Variants in SGCZ observed in about 807,000 individuals in gnomAD.
The protein encoded by SGCZ is zeta-sarcoglycan.
SGCZ carries 40 observed loss-of-function variants against 41.3 expected under a neutral mutation model. The observed-to-expected ratio is 0.97, with a 90% CI of 0.75 to 1.26. The LOEUF is 1.26. Ranked by LOEUF, SGCZ falls within the 50% of genes most tolerant of loss-of-function variation. The probability of loss-of-function intolerance (pLI) is 0.00; values close to 1 mark genes in which losing one functional copy is unlikely to be tolerated. For missense variants in SGCZ, 552 were observed against 369.8 expected, an observed-to-expected ratio of 1.49 and a Z score of -4.04; for synonymous variants, 206 against 137.5, an observed-to-expected ratio of 1.50 and a Z score of -3.49.
chr8:14,240,661 A>G (rs923223347), intron 3 of SGCZ, among the ~76,000 whole-genome samples: 1 of 152,208 alleles, frequency 6.6e-6, no homozygotes, highest in African/African-American at 2.4e-5. Context: ...CTTATTTATT[A>G]TAATGTGATC....
At chr8:15,018,820 G>T (rs1229800908) in intron 1 of SGCZ, among the ~76,000 whole-genome samples, 1 of 152,230 alleles carries the variant, frequency 6.6e-6, no homozygotes, top group African/African-American at 2.4e-5. Flanking sequence ...ATTGGCTCAT[G>T]CTTCCACAGG....
Position 14,672,020 on chromosome 8 carries a change from A to G in SGCZ, c.40-117094T>C, listed in dbSNP as rs114793435. On this transcript the variant is annotated intron_variant, in intron 1 of 7. Transcript: ENST00000382080. ...ACAGACTATCTTCCAATTTGGGAAT[A>G]AAAATCACAAATCTTAGCTACCGAC... Among the ~76,000 whole-genome samples, 321 of 152,288 alleles carry G rather than the reference A, an allele frequency of 2.1e-3. 1 individual carries two copies. Among genetic ancestry groups the G allele is most frequent in the Middle Eastern group, 6.8e-3 (2 of 294 alleles).
At chr8:14,295,167 A>G (rs745972441) in intron 3 of SGCZ, among the ~76,000 whole-genome samples, 4 of 152,178 alleles carry the variant, frequency 2.6e-5, no homozygotes, top group African/African-American at 4.8e-5. Context: ...GTAATAGCCA[A>G]AAGATGCGAA....
intron 1 of SGCZ, among the ~76,000 whole-genome samples, chr8:15,100,975 C>CAA (rs113108237): frequency 0.01 from 1,342 of 129,552 alleles, 19 homozygotes; most frequent in African/African-American, 0.037. Flanking sequence ...GACCATGTCT[C>CAA]AAAAAAAAAA....
At chr8:15,018,593 T>C (rs1171854336) in intron 1 of SGCZ, among the ~76,000 whole-genome samples, 1 of 151,944 alleles carries the variant, frequency 6.6e-6, no homozygotes, top group Non-Finnish European at 1.5e-5. Flanking sequence ...TTTGATGGGC[T>C]TGAGGAAGTA....
intron 1 of SGCZ, among the ~76,000 whole-genome samples, chr8:15,119,117 G>A (rs62499783): frequency 0.063 from 9,617 of 152,152 alleles, 312 homozygotes; most frequent in Middle Eastern, 0.13. Context: ...ATCCTTTTAA[G>A]GGTGTAATGA....
At chr8:14,847,185 A>AGAAGAAG (rs1303419499) in intron 1 of SGCZ, among the ~76,000 whole-genome samples, 204 of 148,498 alleles carry the variant, frequency 1.4e-3, no homozygotes, top group African/African-American at 5.0e-3. Context: ...AAGAAGAAGA[A>AGAAGAAG]GAGAAAAATA....
intron 4 of SGCZ, among the ~76,000 whole-genome samples, chr8:14,188,846 T>A (rs1378431950): frequency 6.7e-6 from 1 of 148,334 alleles, no homozygotes. Context: ...TTGTTTGTTT[T>A]TTGAGATGGA....
intron 1 of SGCZ, among the ~76,000 whole-genome samples, chr8:15,113,511 C>T (rs745522451): frequency 6.6e-6 from 1 of 152,118 alleles, no homozygotes; most frequent in Non-Finnish European, 1.5e-5. Context: ...TCATCAGTAA[C>T]CAAATGCAAT....
At chr8:14,356,013 C>T (rs1300470394) in intron 2 of SGCZ, among the ~76,000 whole-genome samples, 1 of 152,092 alleles carries the variant, frequency 6.6e-6, no homozygotes, top group African/African-American at 2.4e-5. Context: ...ATTTTCTTTT[C>T]CTGGGCTAGT....
chr8:14,123,556 TGAC>T (rs1802763561), intron 5 of SGCZ, among the ~76,000 whole-genome samples: 1 of 152,182 alleles, frequency 6.6e-6, no homozygotes. Flanking sequence ...TCCAGAGCCA[TGAC>T]CAAGACCTAT....
At chr8:14,714,543 T>A (rs962192273) in intron 1 of SGCZ, among the ~76,000 whole-genome samples, 1 of 152,316 alleles carries the variant, frequency 6.6e-6, no homozygotes, top group Non-Finnish European at 1.5e-5. Context: ...AAAACATTGT[T>A]CTATTAAACC....
intron 1 of SGCZ, among the ~76,000 whole-genome samples, chr8:14,612,589 G>A (rs971573400): frequency 6.6e-6 from 1 of 152,126 alleles, no homozygotes; most frequent in Non-Finnish European, 1.5e-5. Flanking sequence ...TCCCCCAAAG[G>A]CCATAGAATT....
At chr8:14,864,806 C>T (rs779948242) in intron 1 of SGCZ, among the ~76,000 whole-genome samples, 33 of 151,960 alleles carry the variant, frequency 2.2e-4, no homozygotes, top group Non-Finnish European at 4.4e-4. Context: ...ATAAGAGCTC[C>T]GGTTCCTCCT....
At chr8:14,533,168 C>T (rs933099081) in intron 2 of SGCZ, among the ~76,000 whole-genome samples, 3 of 151,828 alleles carry the variant, frequency 2.0e-5, no homozygotes, top group Admixed American at 6.6e-5. Flanking sequence ...CAACAGGCCC[C>T]GGTGTGTTGT....
At chr8:14,470,097 A>C (rs923336632) in intron 2 of SGCZ, among the ~76,000 whole-genome samples, 10 of 152,046 alleles carry the variant, frequency 6.6e-5, no homozygotes, top group African/African-American at 2.4e-4. Context: ...CTGAGCACTC[A>C]ATCTGTGAGG....
rs1470237246 is a variant in SGCZ, at chr8:15,237,614, A to T, written c.10T>A (p.Ser4Thr). The T allele has an allele frequency of 6.3e-7, 1 of 1,587,854 alleles. No homozygotes were observed. Among genetic ancestry groups the T allele is most frequent in the Non-Finnish European group, 8.6e-7 (1 of 1,165,168 alleles). ...AGCTCCTCAATGTCCAGGTTCGTTG[A>T]TCTGTCCATGGAGCGCAACTAAACG... is the stretch of plus-strand genomic sequence containing the variant. Reference protein sequence around the residue: MDRSTNLDIEELKM... With the variant: MDRTTNLDIEELKM... Residue 4 changes from serine (S) to threonine (T), a missense_variant, in exon 1 of 8, where the codon TCA becomes ACA. Coordinates refer to ENST00000382080, the MANE Select transcript of SGCZ (RefSeq NM_139167.4).
chr8:15,100,032 A>G (rs1360824749), intron 1 of SGCZ, among the ~76,000 whole-genome samples: 2 of 152,162 alleles, frequency 1.3e-5, no homozygotes, highest in Non-Finnish European at 2.9e-5. Context: ...AATTTTTCCC[A>G]AAACAGTAAC....
chr8:15,200,639 C>G (rs924295670), intron 1 of SGCZ, among the ~76,000 whole-genome samples: 1 of 152,108 alleles, frequency 6.6e-6, no homozygotes, highest in African/African-American at 2.4e-5. Flanking sequence ...CACCTTAGAT[C>G]CTTTCTATAA....
Sources: allele counts gnomAD v4.1 joint callset (sites outside exome capture counted in the v4.1 genomes callset), GRCh38; gene constraint gnomAD v4.1.1; transcripts MANE v1.5; gene names NCBI Gene and HGNC (gene_info 2026-07-23, HGNC 2026-07-21).